KAZN: variants seen among roughly 807,000 people sequenced by gnomAD.
KAZN encodes kazrin.
KAZN carries 40 observed loss-of-function variants against 87.4 expected under a neutral mutation model. That is an observed-to-expected ratio of 0.46 (90% CI 0.36 to 0.60). KAZN has a LOEUF of 0.60. KAZN is among the 20% of genes least tolerant of loss of function. The probability of loss-of-function intolerance (pLI) is 0.00; values close to 1 mark genes in which losing one functional copy is unlikely to be tolerated. For missense variants in KAZN, 898 were observed against 1,073.9 expected, an observed-to-expected ratio of 0.84 and a Z score of 2.29; for synonymous variants, 466 against 458.3, an observed-to-expected ratio of 1.02 and a Z score of -0.22.
chr1:14,072,160 G>C (rs1643274206), intron 1 of KAZN, among the ~76,000 whole-genome samples: 2 of 152,212 alleles, frequency 1.3e-5, no homozygotes, highest in African/African-American at 2.4e-5. Context: ...TGAGGATGAT[G>C]ATGGTGATGA....
intron 2 of KAZN, among the ~76,000 whole-genome samples, chr1:14,290,885 A>G (rs1183522553): frequency 6.6e-6 from 1 of 151,978 alleles, no homozygotes; most frequent in Non-Finnish European, 1.5e-5. Context: ...CTTTTTGTTG[A>G]TATTGGTGCT....
chr1:13,963,756 G>GGTGTGT (rs1185808187), intron 1 of KAZN, among the ~76,000 whole-genome samples: 13 of 117,126 alleles, frequency 1.1e-4, no homozygotes, highest in African/African-American at 4.1e-4. Flanking sequence ...TTTCTGCTGT[G>GGTGTGT]GTCTGTGTGT....
intron 1 of KAZN, among the ~76,000 whole-genome samples, chr1:14,172,903 AGT>A (rs1298659524): frequency 6.6e-6 from 1 of 152,162 alleles, no homozygotes; most frequent in African/African-American, 2.4e-5. Flanking sequence ...CCATGCTGTG[AGT>A]GTGGGCTTCC....
chr1:14,810,853 G>A (rs1010458417), intron 1 of KAZN, among the ~76,000 whole-genome samples: 47 of 152,162 alleles, frequency 3.1e-4, no homozygotes, highest in African/African-American at 9.2e-4. Context: ...AGGTCCAGCC[G>A]TAGCCTGCCA....
chr1:14,823,970 C>T (rs777900427), intron 1 of KAZN, among the ~76,000 whole-genome samples: 84 of 152,120 alleles, frequency 5.5e-4, no homozygotes, highest in Non-Finnish European at 1.0e-3. Flanking sequence ...AAAAATTAGC[C>T]GGGCATGCTG....
At chr1:14,662,542 C>G (rs953667847) in intron 1 of KAZN, among the ~76,000 whole-genome samples, 2 of 152,112 alleles carry the variant, frequency 1.3e-5, no homozygotes, top group African/African-American at 4.8e-5. Context: ...TCCCTCCAAA[C>G]CATGAGTATT....
chr1:14,160,009 G>A (rs534580045), intron 1 of KAZN, among the ~76,000 whole-genome samples: 1 of 152,316 alleles, frequency 6.6e-6, no homozygotes, highest in African/African-American at 2.4e-5. Flanking sequence ...CTCAAGGAGA[G>A]GGAAGGGGTC....
chr1:14,705,548 G>C (rs1642164173), intron 1 of KAZN, among the ~76,000 whole-genome samples: 1 of 152,178 alleles, frequency 6.6e-6, no homozygotes, highest in Non-Finnish European at 1.5e-5. Context: ...AACAGCAGAT[G>C]AATGAACAAG....
chr1:14,813,769 T>A (rs1315321937), intron 1 of KAZN, among the ~76,000 whole-genome samples: 2 of 152,222 alleles, frequency 1.3e-5, no homozygotes, highest in African/African-American at 4.8e-5. Flanking sequence ...TGTTCTAGAA[T>A]GGCTTGTCAT....
At chr1:14,836,997 G>T (rs924273523) in intron 1 of KAZN, among the ~76,000 whole-genome samples, 3 of 152,176 alleles carry the variant, frequency 2.0e-5, no homozygotes, top group African/African-American at 7.2e-5. Flanking sequence ...AAGCTGCTTT[G>T]ATCTAATTAC....
chr1:14,021,282 T>A (rs76704435), intron 1 of KAZN, among the ~76,000 whole-genome samples: 3 of 152,182 alleles, frequency 2.0e-5, no homozygotes, highest in Admixed American at 2.0e-4. Flanking sequence ...TGAGAACCAT[T>A]GTCCAAGAGC....
chr1:14,107,741 A>C (rs1644409408), intron 1 of KAZN, among the ~76,000 whole-genome samples: 1 of 152,030 alleles, frequency 6.6e-6, no homozygotes, highest in African/African-American at 2.4e-5. Flanking sequence ...TGGCACATAA[A>C]CTCATGAGCT....
intron 1 of KAZN, among the ~76,000 whole-genome samples, chr1:14,169,546 G>A (rs1160541): frequency 0.12 from 18,711 of 152,222 alleles, 1,277 homozygotes; most frequent in East Asian, 0.33. Flanking sequence ...ACAGGGGTGT[G>A]AGAACAGGCA....
intron 2 of KAZN, among the ~76,000 whole-genome samples, chr1:14,979,445 G>C (rs1294466834): frequency 6.6e-6 from 1 of 151,978 alleles, no homozygotes; most frequent in Non-Finnish European, 1.5e-5. Context: ...TATAAAGTGA[G>C]CCCAGCATGC....
chr1:14,252,376 G>T (rs932746651), intron 2 of KAZN, among the ~76,000 whole-genome samples: 1 of 152,182 alleles, frequency 6.6e-6, no homozygotes, highest in Non-Finnish European at 1.5e-5. Context: ...ACTGGCATTT[G>T]TGTGGTGGTG....
chr1:14,364,471 C>A (rs1016128049), intron 2 of KAZN, among the ~76,000 whole-genome samples: 4 of 152,126 alleles, frequency 2.6e-5, no homozygotes, highest in African/African-American at 9.7e-5. Flanking sequence ...TGTTATTATT[C>A]ATCTCTAAAA....
At chr1:14,023,327 T>TA (rs1640929729) in intron 1 of KAZN, among the ~76,000 whole-genome samples, 1 of 151,992 alleles carries the variant, frequency 6.6e-6, no homozygotes, top group African/African-American at 2.4e-5. Flanking sequence ...GTCTCCAAAA[T>TA]AAAAAACAAA....
chr1:14,424,254 C>T (rs1665588241), intron 2 of KAZN, among the ~76,000 whole-genome samples: 1 of 152,178 alleles, frequency 6.6e-6, no homozygotes, highest in Non-Finnish European at 1.5e-5. Context: ...TTCAGCAAAT[C>T]GTAGTCTCAT....
chr1:13,912,488 A>G (rs1639688811), intron 1 of KAZN, among the ~76,000 whole-genome samples: 1 of 152,224 alleles, frequency 6.6e-6, no homozygotes, highest in South Asian at 2.1e-4. Context: ...GTCTAAAGGA[A>G]GAGGCTGAGA....
Sources: allele counts gnomAD v4.1 joint callset (sites outside exome capture counted in the v4.1 genomes callset), GRCh38; gene constraint gnomAD v4.1.1; transcripts MANE v1.5; gene names NCBI Gene and HGNC (gene_info 2026-07-23, HGNC 2026-07-21).